NARS2: variants seen among roughly 807,000 people sequenced by gnomAD.
NARS2 encodes asparaginyl-tRNA synthetase.
A neutral mutation model predicts 62.9 loss-of-function variants in NARS2; 60 were observed. The observed-to-expected ratio is 0.95, with a 90% CI of 0.77 to 1.18. The LOEUF (loss-of-function observed/expected upper bound fraction) is 1.18, where lower values mean the gene tolerates loss of function less well. Among genes scored for constraint, NARS2 ranks in the 50% most tolerant of loss-of-function variants. The probability of loss-of-function intolerance (pLI) is 0.00; values close to 1 mark genes in which losing one functional copy is unlikely to be tolerated. For missense variants in NARS2, 619 were observed against 576.4 expected (o/e 1.07, Z -0.76); for synonymous variants, 196 against 200.0 (o/e 0.98, Z 0.17).
rs1859897070 is a variant in NARS2 at position 78,493,080 on chromosome 11, G to A, written c.805C>T (p.Leu269Phe). 1.9e-6 allele frequency: 3 copies of A among 1,612,694 alleles called. No homozygotes were observed. Among genetic ancestry groups the A allele is most frequent in the Non-Finnish European group, 2.5e-6 (3 of 1,179,514 alleles). The change falls in exon 7 of 14, where the codon CTT becomes TTT. Residue 269 changes from leucine to phenylalanine, a missense_variant. Leu to Phe is a conservative substitution (Grantham distance 22). Transcript: ENST00000281038. ...IEAEISFVDS[L>F]QDLMQVIEEL... ...GTACCTACCTGCATAAGATCTTGAA[G>A]GCTGTCAACAAAAGAAATCTCTGCT...
chr11:78,491,350 G>A (rs181808767), intron 7 of NARS2, among the ~76,000 whole-genome samples: 1 of 151,852 alleles, frequency 6.6e-6, no homozygotes, highest in African/African-American at 2.4e-5. Flanking sequence ...AGCGGGAAGT[G>A]TAAAGGGAGC....
chr11:78,539,635 G>A (rs563489213), intron 5 of NARS2, among the ~76,000 whole-genome samples: 1 of 152,198 alleles, frequency 6.6e-6, no homozygotes, highest in African/African-American at 2.4e-5. Flanking sequence ...TATGTAGATG[G>A]TATGGTACAT....
chr11:78,473,879 G>C (rs533200048), intron 9 of NARS2, among the ~76,000 whole-genome samples: 1 of 152,144 alleles, frequency 6.6e-6, no homozygotes, highest in East Asian at 1.9e-4. Context: ...GGGATATCTT[G>C]ATTCTAATTC....
At chr11:78,512,855 T>G (rs936483011) in intron 6 of NARS2, among the ~76,000 whole-genome samples, 5 of 152,224 alleles carry the variant, frequency 3.3e-5, no homozygotes, top group Non-Finnish European at 7.3e-5. Flanking sequence ...GTACAGGCAC[T>G]CAATCAGTAA....
At chr11:78,457,910 A>C (rs1165575814) in intron 11 of NARS2, among the ~76,000 whole-genome samples, 4 of 152,098 alleles carry the variant, frequency 2.6e-5, no homozygotes, top group Non-Finnish European at 5.9e-5. Context: ...GCATGTTCTC[A>C]TTCATATGTG....
intron 6 of NARS2, among the ~76,000 whole-genome samples, chr11:78,494,458 TTTTTC>T (rs1327973016): frequency 2.1e-5 from 2 of 95,956 alleles, no homozygotes; most frequent in African/African-American, 6.9e-5. Context: ...ATATATAAGT[TTTTTC>T]TTTTTCTTTT....
chr11:78,493,135 C>T lies in NARS2; in HGVS notation c.750G>A (p.Arg250=). The change falls in exon 7 of 14, where the codon CGG becomes CGA. Residue 250 remains arginine (R), a synonymous_variant. Coordinates refer to ENST00000281038, the MANE Select transcript of NARS2 (RefSeq NM_024678.6). Reference sequence around the variant, plus strand: ...TCATATAAAACTCTGCCAGGTGCCTCCGGCTCTGAGAATTTTCAGCTCGGA... The same window carrying T: ...TCATATAAAACTCTGCCAGGTGCCTTCGGCTCTGAGAATTTTCAGCTCGGA... ...PTFRAENSQS[R]RHLAEFYMIE... 1.9e-6 allele frequency: 3 copies of T among 1,613,944 alleles called. No homozygotes were observed. The highest frequency in any genetic ancestry group is 2.5e-6 in the Non-Finnish European group (3 of 1,179,910).
chr11:78,466,590 C>G (rs983814600), intron 10 of NARS2, among the ~76,000 whole-genome samples: 3 of 152,082 alleles, frequency 2.0e-5, no homozygotes, highest in African/African-American at 7.2e-5. Context: ...AAGTGATTCT[C>G]CTGCCTCAGC....
intron 11 of NARS2, among the ~76,000 whole-genome samples, chr11:78,445,596 T>A (rs1370046483): frequency 6.6e-6 from 1 of 152,208 alleles, no homozygotes. Flanking sequence ...TACTCCAGCC[T>A]GGATGACAAA....
intron 7 of NARS2, among the ~76,000 whole-genome samples, chr11:78,484,395 CTAAT>C (rs1343346349): frequency 1.3e-5 from 2 of 152,080 alleles, no homozygotes; most frequent in Non-Finnish European, 2.9e-5. Context: ...CAAATGGAAT[CTAAT>C]TAAACTAAAG....
intron 7 of NARS2, among the ~76,000 whole-genome samples, chr11:78,486,424 A>C (rs1859577513): frequency 6.6e-6 from 1 of 152,326 alleles, no homozygotes; most frequent in South Asian, 2.1e-4. Context: ...AAACAGACCC[A>C]AAGAAGCACA....
intron 6 of NARS2, among the ~76,000 whole-genome samples, chr11:78,518,451 G>C (rs938947210): frequency 6.6e-6 from 1 of 152,124 alleles, no homozygotes. Flanking sequence ...TGTCTTCAAG[G>C]GATTTAAAAC....
In NARS2 at chr11:78,465,984, T is replaced by C. The variant is rs1239253336; in HGVS notation, c.1056A>G (p.Glu352=). ...EWGADLRTEH[E]KYLVKHCGNI... ...TGCCACAGTGCTTCACCAGGTACTT[T>C]TCATGTTCAGTCCGTAGGTCAGCAC... Residue 352 remains glutamate (E), a synonymous_variant, in exon 11 of 14, where the codon GAA becomes GAG. Transcript: ENST00000281038. 1.2e-6 allele frequency: 2 copies of C among 1,612,724 alleles called. No homozygotes were observed. The highest frequency in any genetic ancestry group is 1.7e-6 in the Non-Finnish European group (2 of 1,179,408).
intron 6 of NARS2, among the ~76,000 whole-genome samples, chr11:78,526,506 G>A (rs768069399): frequency 1.3e-4 from 20 of 152,064 alleles, no homozygotes; most frequent in Non-Finnish European, 2.4e-4. Flanking sequence ...ATTTCTTATT[G>A]GAGAATAAAT....
chr11:78,459,234 GTTTT>G, intron 11 of NARS2, among the ~76,000 whole-genome samples: 1 of 148,860 alleles, frequency 6.7e-6, no homozygotes, highest in Non-Finnish European at 1.5e-5. Context: ...TCTGATGGTG[GTTTT>G]TTTTGTCGTT....
At chr11:78,451,244 A>G (rs1857960228) in intron 11 of NARS2, among the ~76,000 whole-genome samples, 1 of 152,234 alleles carries the variant, frequency 6.6e-6, no homozygotes, top group Non-Finnish European at 1.5e-5. Flanking sequence ...AAAGATCACT[A>G]GAACAATTCC....
chr11:78,522,236 G>C (rs1288799545), intron 6 of NARS2, among the ~76,000 whole-genome samples: 1 of 151,798 alleles, frequency 6.6e-6, no homozygotes, highest in Non-Finnish European at 1.5e-5. Context: ...GGGATTATAG[G>C]CATGAGCCAC....
intron 5 of NARS2, among the ~76,000 whole-genome samples, chr11:78,557,810 A>C (rs1292619310): frequency 6.8e-6 from 1 of 147,936 alleles, no homozygotes; most frequent in East Asian, 1.9e-4. Flanking sequence ...TATCATATAT[A>C]TCTTATATTA....
intron 5 of NARS2, among the ~76,000 whole-genome samples, chr11:78,536,012 C>T (rs1287549055): frequency 2.0e-5 from 3 of 152,182 alleles, no homozygotes; most frequent in Middle Eastern, 3.4e-3. Context: ...CCACAGTACT[C>T]TATATGATGA....
Sources: gnomAD v4.1 joint callset for allele counts (sites outside exome capture counted in the v4.1 genomes callset) on GRCh38, gnomAD v4.1.1 for gene constraint, MANE v1.5 for transcripts, NCBI Gene and HGNC (gene_info 2026-07-23, HGNC 2026-07-21) for gene names.